The following CHN2 variants were observed in gnomAD, a reference collection of about 807,000 sequenced individuals.
CHN2 encodes the protein chimerin 2, also known as beta-chimaerin.
In CHN2, 35 loss-of-function variants were observed where a neutral mutation model predicts 56.3. That is an observed-to-expected ratio of 0.62 (90% confidence interval 0.47 to 0.82). The LOEUF (loss-of-function observed/expected upper bound fraction) is 0.82, where lower values mean the gene tolerates loss of function less well. Among genes scored for constraint, CHN2 ranks in the 40% least tolerant of loss-of-function variants. CHN2 has a pLI of 0.00. For synonymous variants in CHN2, 210 were observed against 212.8 expected, an observed-to-expected ratio of 0.99 and a Z score of 0.12; for missense variants, 491 against 580.5, an observed-to-expected ratio of 0.85 and a Z score of 1.58.
chr7:29,362,329 A>T (rs2128033342), intron 2 of CHN2, among the ~76,000 whole-genome samples: 1 of 152,308 alleles, frequency 6.6e-6, no homozygotes, highest in Admixed American at 6.5e-5. Flanking sequence ...CTTATTAGTG[A>T]GGGGAATAAC....
chr7:29,473,440 A>G (rs1330850739), intron 6 of CHN2, among the ~76,000 whole-genome samples: 3 of 140,598 alleles, frequency 2.1e-5, no homozygotes, highest in Non-Finnish European at 3.0e-5. Flanking sequence ...GTAGAGCTTG[A>G]GCATGGGGTG....
chr7:29,506,758 A>C (rs73684728), intron 10 of CHN2, among the ~76,000 whole-genome samples: 1,975 of 152,242 alleles, frequency 0.013, 31 homozygotes, highest in African/African-American at 0.039. Flanking sequence ...ACAAACAAAC[A>C]AACCCTTCAG....
At chr7:29,286,881 T>C (rs1356192719) in intron 1 of CHN2, among the ~76,000 whole-genome samples, 1 of 152,240 alleles carries the variant, frequency 6.6e-6, no homozygotes, top group Non-Finnish European at 1.5e-5. Context: ...CCATGGGTCT[T>C]ATAGGATACC....
At chr7:29,350,628 A>AAGAAT (rs1347846769) in intron 1 of CHN2, among the ~76,000 whole-genome samples, 2 of 152,182 alleles carry the variant, frequency 1.3e-5, no homozygotes, top group African/African-American at 4.8e-5. Flanking sequence ...ATCTGGGGGC[A>AAGAAT]AGAATAGAGA....
Position 29,317,604 on chromosome 7 carries a change from C to A in CHN2, c.50-37021C>A, listed in dbSNP as rs151210478. Among the ~76,000 whole-genome samples, 342 of 152,300 alleles carry A rather than the reference C, an allele frequency of 2.2e-3. 1 individual carries two copies. Among genetic ancestry groups the A allele is most frequent in the African/African-American group, 7.8e-3 (324 of 41,562 alleles). On this transcript the variant is annotated intron_variant, in intron 1 of 12. Coordinates refer to ENST00000222792, the MANE Select transcript of CHN2 (RefSeq NM_004067.4). ...CCCAGAGTTGCTAAAACAGTTCATT[C>A]ATTCATTCATCAAACGTTTTTAGCA...
At chr7:29,480,141 G>C in intron 6 of CHN2, 138 bp from the exon 7 acceptor site, 3 of 1,565,470 alleles carry the variant, frequency 1.9e-6, no homozygotes, top group Non-Finnish European at 2.6e-6. Context: ...GCTGGAAAAT[G>C]AGAAAAAGTG....
At chr7:29,252,485 G>A (rs1562866244) in intron 1 of CHN2, among the ~76,000 whole-genome samples, 1 of 150,710 alleles carries the variant, frequency 6.6e-6, no homozygotes, top group Non-Finnish European at 1.5e-5. Context: ...ACTGCACCCG[G>A]CCGATTATAC....
At chr7:29,300,609 T>C (rs990495735) in intron 1 of CHN2, among the ~76,000 whole-genome samples, 4 of 152,216 alleles carry the variant, frequency 2.6e-5, no homozygotes, top group Admixed American at 2.6e-4. Flanking sequence ...GGGTCAAATT[T>C]GTAAAGCTAA....
At chr7:29,499,825 C>CA in intron 8 of CHN2, 42 bp from the exon 9 acceptor site, 1 of 1,499,780 alleles carries the variant, frequency 6.7e-7, no homozygotes, top group South Asian at 1.4e-5. Flanking sequence ...TGTGCTTTGA[C>CA]AAAAGGGCTG....
chr7:29,386,206 A>C (rs1220463331), intron 3 of CHN2, among the ~76,000 whole-genome samples: 1 of 152,144 alleles, frequency 6.6e-6, no homozygotes, highest in Non-Finnish European at 1.5e-5. Context: ...CAAGAGTGTA[A>C]ATTTCAGTAC....
At chr7:29,399,497 G>A (rs73687409) in intron 5 of CHN2, among the ~76,000 whole-genome samples, 15,253 of 152,172 alleles carry the variant, frequency 0.1, 853 homozygotes, top group East Asian at 0.18. Context: ...CACATTTATG[G>A]CACTTTTCAA....
chr7:29,274,137 A>G (rs1263120611), intron 1 of CHN2, among the ~76,000 whole-genome samples: 2 of 152,228 alleles, frequency 1.3e-5, no homozygotes, highest in Non-Finnish European at 2.9e-5. Context: ...GCTTACGAAC[A>G]TTCGGGAAAG....
chr7:29,369,609 A>G (rs564561283), intron 3 of CHN2, among the ~76,000 whole-genome samples: 25 of 152,332 alleles, frequency 1.6e-4, no homozygotes, highest in African/African-American at 6.0e-4. Context: ...AGAGAGAGAT[A>G]GAGAGAAAAA....
At chr7:29,493,829 ACACC>A (rs1160244468) in intron 7 of CHN2, among the ~76,000 whole-genome samples, 1 of 152,182 alleles carries the variant, frequency 6.6e-6, no homozygotes, top group Non-Finnish European at 1.5e-5. Flanking sequence ...TCCACTATTA[ACACC>A]CTCTCATTCA....
intron 1 of CHN2, among the ~76,000 whole-genome samples, chr7:29,329,975 T>A (rs547165509): frequency 2.6e-5 from 4 of 152,230 alleles, no homozygotes; most frequent in Non-Finnish European, 5.9e-5. Context: ...CCTATTTTCA[T>A]GTGCTTGTTA....
intron 1 of CHN2, among the ~76,000 whole-genome samples, chr7:29,332,247 T>C (rs1796279916): frequency 6.6e-6 from 1 of 152,180 alleles, no homozygotes; most frequent in Admixed American, 6.5e-5. Context: ...TCTGAAGCTC[T>C]GTTTGCTCTC....
At chr7:29,155,311 A>G (rs557797701) in intron 2 of CHN2, among the ~76,000 whole-genome samples, 2 of 152,332 alleles carry the variant, frequency 1.3e-5, no homozygotes, top group South Asian at 4.1e-4. Flanking sequence ...TATCAAAAAT[A>G]AATAAATAGA....
chr7:29,338,973 T>C (rs1156549604), intron 1 of CHN2, among the ~76,000 whole-genome samples: 1 of 152,240 alleles, frequency 6.6e-6, no homozygotes, highest in African/African-American at 2.4e-5. Flanking sequence ...ACATGATATC[T>C]GTCAAAATTA....
intron 1 of CHN2, among the ~76,000 whole-genome samples, chr7:29,276,671 G>A (rs7788297): frequency 0.033 from 5,078 of 152,270 alleles, 112 homozygotes; most frequent in East Asian, 0.081. Context: ...GTAAATAGCC[G>A]TCATCATTAG....
Sources: gnomAD v4.1 joint callset for allele counts (sites outside exome capture counted in the v4.1 genomes callset) on GRCh38, gnomAD v4.1.1 for gene constraint, MANE v1.5 for transcripts, NCBI Gene and HGNC (gene_info 2026-07-23, HGNC 2026-07-21) for gene names.